Variants in L1TD1 observed in about 807,000 individuals in gnomAD.
L1TD1 encodes the protein LINE-1 type transposase domain-containing protein 1.
A neutral mutation model predicts 25.7 loss-of-function variants in L1TD1; 26 were observed. That is an observed-to-expected ratio of 1.01 (90% CI 0.74 to 1.40). The LOEUF (loss-of-function observed/expected upper bound fraction) is 1.40. L1TD1 is among the 40% of genes most tolerant of loss of function. The probability of loss-of-function intolerance (pLI) is 0.00; values close to 1 mark genes in which losing one functional copy is unlikely to be tolerated. For synonymous variants in L1TD1, 421 were observed against 335.6 expected (o/e 1.25, Z -2.78); for missense variants, 1,130 against 975.0 (o/e 1.16, Z -2.12).
chr1:62,200,023 C>G (rs1670611789), intron 2 of L1TD1, among the ~76,000 whole-genome samples: 1 of 152,082 alleles, frequency 6.6e-6, no homozygotes, highest in African/African-American at 2.4e-5. Flanking sequence ...TTTTTTCCCT[C>G]TAGTATACCA....
Position 62,205,441 on chromosome 1 carries a change from A to ATTTTTTTTTTTTTTTTTT in L1TD1, c.-110-1077_-110-1076insTTTTTTTTTTTTTTTTTT, listed in dbSNP as rs1447667211. On this transcript the variant is annotated intron_variant, in intron 2 of 3. Transcript: ENST00000498273. Reference sequence around the variant, plus strand: ...TCTATATATATATATATATATATATATATTTTTTTTTAGACAGTCTTGCTG... The same window carrying ATTTTTTTTTTTTTTTTTT: ...TCTATATATATATATATATATATATATTTTTTTTTTTTTTTTTTTATTTTTTTTTAGACAGTCTTGCTG... 8.3e-3 allele frequency among the ~76,000 whole-genome samples: 445 copies of ATTTTTTTTTTTTTTTTTT among 53,654 alleles called. 31 individuals carry two copies. The highest frequency in any genetic ancestry group is 0.013 in the Non-Finnish European group (353 of 26,782). 35.2% of individuals were successfully genotyped at this position (53,654 alleles called of 152,430 possible). A position where few individuals can be genotyped will look rare whatever the true frequency, so the allele number is the denominator to read the frequency against.
chr1:62,202,697 A>G (rs1378721017), intron 2 of L1TD1, among the ~76,000 whole-genome samples: 6 of 95,790 alleles, frequency 6.3e-5, no homozygotes, highest in African/African-American at 2.7e-4. Context: ...TTTTTTTGAG[A>G]CAGAGTCTTG....
chr1:62,201,120 G>C (rs1198443639), intron 2 of L1TD1, among the ~76,000 whole-genome samples: 1 of 151,860 alleles, frequency 6.6e-6, no homozygotes, highest in Non-Finnish European at 1.5e-5. Context: ...GTAGAGACAG[G>C]GTTTCACCAT....
rs1421740206 is a variant in L1TD1 at position 62,209,771 on chromosome 1, T to C, written c.1009-12T>C. ...AAATAACTCTTTTTTTTCTTCTTTG[T>C]TTAACTTTCAGGATAAAACCCTAAT... On this transcript the variant is annotated splice_polypyrimidine_tract_variant and intron_variant, in intron 3 of 3. Coordinates refer to ENST00000498273, the MANE Select transcript of L1TD1 (RefSeq NM_019079.5). The C allele has an allele frequency of 1.4e-6, 2 of 1,469,782 alleles. No homozygotes were observed. Among genetic ancestry groups the C allele is most frequent in the African/African-American group, 1.4e-5 (1 of 70,452 alleles). The allele number at this position is 1,469,782 out of a possible 1,614,324, so 91.0% of individuals were successfully genotyped here.
intron 2 of L1TD1, among the ~76,000 whole-genome samples, chr1:62,205,428 TATATATA>T (rs1557443566): frequency 2.8e-5 from 2 of 71,050 alleles, no homozygotes; most frequent in Non-Finnish European, 6.0e-5. Flanking sequence ...TATATATATA[TATATATA>T]TATATATATT....
At position 62,211,307 on chromosome 1, in the gene L1TD1, G is replaced by A; in HGVS notation, c.2533G>A (p.Glu845Lys). The A allele has an allele frequency of 6.2e-7, 1 of 1,613,418 alleles. No individual in the cohort carries two copies. Residue 845 changes from glutamate (E) to lysine (K), a missense_variant, in exon 4 of 4, where the codon GAA becomes AAA. Physicochemically the swap from Glu to Lys is moderately conservative, Grantham distance 56. Coordinates refer to ENST00000498273, the MANE Select transcript of L1TD1 (RefSeq NM_019079.5). ...AACAAAGGTATTTCTTAGTATTGAA[G>A]AATTTAGAGATTATGTTTTGCATAT... ...GKTKVFLSIE[E>K]FRDYVLHMPT...
At position 62,210,439 on chromosome 1, in the gene L1TD1, G is replaced by C; in HGVS notation, c.1665G>C (p.Leu555Phe). 1 of 1,614,080 alleles carries C rather than the reference G, an allele frequency of 6.2e-7. No individual in the cohort carries two copies. Among genetic ancestry groups the C allele is most frequent in the South Asian group, 1.1e-5 (1 of 91,074 alleles). ...GTGTPCLTLC[L>F]ASPSKSLEMS... ...GCACACCCTGTCTGACCTTATGTTT[G>C]GCCTCTCCCTCAAAGTCACTAGAGA... The change falls in exon 4 of 4, where the codon TTG (leucine) becomes TTC (phenylalanine). Residue 555 changes from leucine (L) to phenylalanine (F), a missense_variant. Physicochemically the swap from Leu to Phe is conservative, Grantham distance 22. Transcript: ENST00000498273.
At position 62,210,006 on chromosome 1, in the gene L1TD1, C is replaced by A. The variant is rs1002090167; in HGVS notation, c.1232C>A (p.Ser411Ter). The change falls in exon 4 of 4, where the codon TCA (serine) becomes TAA (stop). Residue 411 changes from serine (S) to a stop codon, truncating the protein, a stop_gained. Coordinates refer to ENST00000498273, the MANE Select transcript of L1TD1 (RefSeq NM_019079.5). LOFTEE classifies it low-confidence loss of function (END_TRUNC). ...CTGGAGGAGGAGGAGGAAGAGCCCT[C>A]AGGGCTGGAGGAGGAAGAAGAAGAA... ...SGLEEEEEEP[S>*]GLEEEEEEEA... 8 of 1,598,220 alleles carry A rather than the reference C, an allele frequency of 5.0e-6. No individual in the cohort carries two copies. The highest frequency in any genetic ancestry group is 5.1e-6 in the Non-Finnish European group (6 of 1,169,098).
At chr1:62,199,139 G>T (rs1045116397) in intron 2 of L1TD1, among the ~76,000 whole-genome samples, 1 of 152,114 alleles carries the variant, frequency 6.6e-6, no homozygotes, top group Non-Finnish European at 1.5e-5. Context: ...CAGAGTATCT[G>T]ATATCTTGGA....
In L1TD1 at chr1:62,207,122, C is replaced by G; in HGVS notation, c.494C>G (p.Ser165Ter). ...GGTAAGAAATTACCCCAGGGTGAAT[C>G]ACGAAGTTACGAAGTCATGGGAAGT... ...NDGKKLPQGE[S>*]RSYEVMGSME... Residue 165 changes from serine to a stop codon, truncating the protein, a stop_gained, in exon 3 of 4, where the codon TCA (serine) becomes TGA (stop). Coordinates refer to ENST00000498273, the MANE Select transcript of L1TD1 (RefSeq NM_019079.5). LOFTEE classifies it high-confidence loss of function. The G allele has an allele frequency of 6.3e-7, 1 of 1,594,956 alleles. No individual in the cohort carries two copies. Among genetic ancestry groups the G allele is most frequent in the East Asian group, 2.2e-5 (1 of 44,456 alleles).
intron 3 of L1TD1, 125 bp from the exon 4 acceptor site, chr1:62,209,657 CT>C (rs1308923969): frequency 1.1e-6 from 1 of 871,276 alleles, no homozygotes; most frequent in Admixed American, 3.4e-5. Context: ...TATTTAAGCA[CT>C]TTTTCAGATA....
rs1670541271 is a variant in L1TD1, at chr1:62,196,445, A to G, written c.-194A>G. ...TGACTTGAATTCTAGGCACCAAGGC[A>G]CAGCTTAGAGTAGACCCGAGTCCTG... On this transcript the variant is annotated 5_prime_UTR_variant, in exon 2 of 4. Coordinates refer to ENST00000498273, the MANE Select transcript of L1TD1 (RefSeq NM_019079.5). 1.3e-5 allele frequency: 2 copies of G among 152,228 alleles called. No homozygotes were observed. The highest frequency in any genetic ancestry group is 1.3e-4 in the Admixed American group (2 of 15,276). The allele number at this position is 152,228 out of a possible 1,614,324, so 9.4% of individuals were successfully genotyped here.
intron 2 of L1TD1, among the ~76,000 whole-genome samples, chr1:62,197,398 TATATATATATATATA>T (rs528052208): frequency 9.4e-6 from 1 of 106,396 alleles, no homozygotes; most frequent in Non-Finnish European, 1.9e-5. Flanking sequence ...AAAAATAAAT[TATATATATATATATA>T]TATATATATA....
chr1:62,206,584 C>G lies in L1TD1; in HGVS notation c.-45C>G, dbSNP rs1670748919. On this transcript the variant is annotated 5_prime_UTR_variant, in exon 3 of 4. Transcript: ENST00000498273. ...CAGGCCTGTAAGAACAAAAATCATT[C>G]TGTAGGAATTAAAAACAGAATCCAG... The G allele has an allele frequency of 2.9e-6, 4 of 1,400,700 alleles. No homozygotes were observed. The highest frequency in any genetic ancestry group is 1.9e-4 in the Middle Eastern group (1 of 5,272). The allele number at this position is 1,400,700 out of a possible 1,614,324, so 86.8% of individuals were successfully genotyped here. A position where few individuals can be genotyped will look rare whatever the true frequency, so the allele number is the denominator to read the frequency against.
intron 2 of L1TD1, among the ~76,000 whole-genome samples, chr1:62,202,704 C>CTTGCTCTT (rs1231532487): frequency 1.0e-5 from 1 of 99,678 alleles, no homozygotes; most frequent in African/African-American, 3.9e-5. Context: ...GAGACAGAGT[C>CTTGCTCTT]TTGCTCTTTT....
chr1:62,210,660 AAG>A lies in L1TD1; in HGVS notation c.1889_1890del (p.Glu630GlyfsTer16), dbSNP rs770867900. 3.8e-6 allele frequency: 6 copies of A among 1,562,080 alleles called. No homozygotes were observed. The African/African-American group carries it at 5.5e-5, about 14-fold the overall frequency. On this transcript the variant is annotated frameshift_variant, in exon 4 of 4. Transcript: ENST00000498273. LOFTEE classifies it low-confidence loss of function (END_TRUNC). ...GTGATTAATAGCATCAGAGAGATAA[AAG>A]AGGAGATTGGAAATTTGAAAAGTTC...
chr1:62,197,017 A>C (rs1402916449), intron 2 of L1TD1, among the ~76,000 whole-genome samples: 1 of 152,106 alleles, frequency 6.6e-6, no homozygotes, highest in East Asian at 1.9e-4. Context: ...CAGAACCCAC[A>C]GTTCGTCATC....
intron 2 of L1TD1, among the ~76,000 whole-genome samples, chr1:62,205,293 G>A (rs1212113291): frequency 4.0e-5 from 6 of 150,816 alleles, no homozygotes; most frequent in East Asian, 2.0e-4. Context: ...AGCCGAGATC[G>A]CGCCATTGCA....
rs1054636279 is a variant in L1TD1, at chr1:62,207,373, C to T, written c.745C>T (p.Leu249Phe). Residue 249 changes from leucine to phenylalanine, a missense_variant, in exon 3 of 4, where the codon CTT (leucine) becomes TTT (phenylalanine). Leu to Phe is a conservative substitution (Grantham distance 22). Coordinates refer to ENST00000498273, the MANE Select transcript of L1TD1 (RefSeq NM_019079.5). Reference sequence around the variant, plus strand: ...AGCAGTACTTACCCTGGTAGCCGACCTTTCATCAGCAACACTGGATATTAG... The same window carrying T: ...AGCAGTACTTACCCTGGTAGCCGACTTTTCATCAGCAACACTGGATATTAG... ...EGAVLTLVADLSSATLDISKQ... is the reference protein window; with the variant it reads ...EGAVLTLVADFSSATLDISKQ... 1.3e-6 allele frequency: 2 copies of T among 1,551,578 alleles called. No individual in the cohort carries two copies. Among genetic ancestry groups the T allele is most frequent in the African/African-American group, 2.7e-5 (2 of 73,166 alleles).
Sources: allele counts gnomAD v4.1 joint callset (sites outside exome capture counted in the v4.1 genomes callset), GRCh38; gene constraint gnomAD v4.1.1; transcripts MANE v1.5; gene names NCBI Gene and HGNC (gene_info 2026-07-23, HGNC 2026-07-21).